Variants in OR4K1 observed in about 807,000 individuals in gnomAD.
OR4K1 encodes the protein olfactory receptor 4K1.
Under a neutral mutation model 14.4 loss-of-function variants are expected in OR4K1, and 16 were observed. The ratio of observed to expected loss-of-function variants is 1.11; its 90% CI spans 0.75 to 1.68. The LOEUF (loss-of-function observed/expected upper bound fraction) is 1.68. Among genes scored for constraint, OR4K1 ranks in the 40% most tolerant of loss-of-function variants. OR4K1 has a pLI of 0.00. For synonymous variants in OR4K1, 181 were observed against 133.1 expected (o/e 1.36, Z -2.48); for missense variants, 548 against 376.9 (o/e 1.45, Z -3.76).
In OR4K1 at chr14:19,936,300, C is replaced by A. The variant is rs376119424; in HGVS notation, c.634C>A (p.Leu212Met). The A allele has an allele frequency of 4.3e-6, 7 of 1,614,120 alleles. No homozygotes were observed. The East Asian group carries it at 6.7e-5, about 15-fold the overall frequency. The change falls in exon 2 of 2, where the codon CTG becomes ATG. Residue 212 changes from leucine to methionine, a missense_variant. Physicochemically the swap from Leu to Met is conservative, Grantham distance 15. Coordinates refer to ENST00000641172, the MANE Select transcript of OR4K1 (RefSeq NM_001004063.3). The part of the protein sequence containing the change: ...NSGLISLSCF[L>M]ALIISYTIIL... ...TGGCCTGATATCATTGAGCTGTTTC[C>A]TGGCTTTAATTATTTCCTACACCAT...
the OR4K1 span, chr14:19,920,690 T>C: frequency 1.2e-6 from 2 of 1,613,966 alleles, no homozygotes; most frequent in African/African-American, 1.3e-5. Flanking sequence ...TTTTCTATTT[T>C]TGTTTCTTCT....
upstream of OR4K1, among the ~76,000 whole-genome samples, chr14:19,930,410 G>T (rs1010051455): frequency 6.6e-6 from 1 of 152,210 alleles, no homozygotes; most frequent in Non-Finnish European, 1.5e-5. Context: ...TTTTGGGAAA[G>T]AAATTTATAT....
upstream of OR4K1, among the ~76,000 whole-genome samples, chr14:19,927,003 G>C (rs1294871947): frequency 2.6e-5 from 4 of 152,226 alleles, no homozygotes; most frequent in African/African-American, 9.6e-5. Context: ...TGCTCATCAT[G>C]AACTGTTATC....
At chr14:19,935,087 T>A (rs1882274763) in intron 1 of OR4K1, among the ~76,000 whole-genome samples, 2 of 152,246 alleles carry the variant, frequency 1.3e-5, no homozygotes, top group Admixed American at 1.3e-4. Context: ...ATTCGTTAAT[T>A]TAATTTTTAT....
the OR4K1 span, chr14:19,921,341 A>G: frequency 6.2e-7 from 1 of 1,614,176 alleles, no homozygotes; most frequent in South Asian, 1.1e-5. Context: ...CCCATATTGC[A>G]GTAGTAATAT....
At chr14:19,925,770 G>A in the OR4K1 span, among the ~76,000 whole-genome samples, 1 of 152,260 alleles carries the variant, frequency 6.6e-6, no homozygotes, top group Non-Finnish European at 1.5e-5. Flanking sequence ...CGTGGGGAGA[G>A]TACCCCAAAA....
upstream of OR4K1, among the ~76,000 whole-genome samples, chr14:19,930,328 G>A (rs1882158631): frequency 6.6e-6 from 1 of 152,198 alleles, no homozygotes; most frequent in South Asian, 2.1e-4. Flanking sequence ...ATGACCACTT[G>A]AAACTTACAT....
rs762489198 is a variant in OR4K1, at chr14:19,935,677, C to A, written c.11C>A (p.Thr4Lys). 6.3e-7 allele frequency: 1 copy of A among 1,597,076 alleles called. No homozygotes were observed. The highest frequency in any genetic ancestry group is 8.5e-7 in the Non-Finnish European group (1 of 1,174,012). Reference sequence around the variant, plus strand: ...CTGAATATTGGATACATGGCTCACACAAATGAATCGATGGTGTCTGAGTTT... The same window carrying A: ...CTGAATATTGGATACATGGCTCACAAAAATGAATCGATGGTGTCTGAGTTT... MAH[T>K]NESMVSEFVL... is the part of the protein sequence containing the mutation. The change falls in exon 2 of 2, where the codon ACA becomes AAA. Residue 4 changes from threonine (T) to lysine (K), a missense_variant. Coordinates refer to ENST00000641172, the MANE Select transcript of OR4K1 (RefSeq NM_001004063.3).
At chr14:19,935,544 TTGAC>T (rs1882285270) in intron 1 of OR4K1, 100 bp from the exon 2 acceptor site, 2 of 868,678 alleles carry the variant, frequency 2.3e-6, no homozygotes, top group African/African-American at 1.7e-5. Context: ...CCTAATTAAA[TTGAC>T]TATTTCTTTT....
rs1447971535 is a variant in OR4K1 at position 19,935,759 on chromosome 14, C to A, written c.93C>A (p.Phe31Leu). The stretch of plus-strand genomic sequence containing the variant: ...TTCAACTTTTCTTTTTTGCCATCTT[C>A]TCTATAGTCTATGTGACATCAGTGC... ...WGLQLFFFAI[F>L]SIVYVTSVLG... Residue 31 changes from phenylalanine to leucine, a missense_variant, in exon 2 of 2, where the codon TTC becomes TTA. Transcript: ENST00000641172. 1 of 1,614,058 alleles carries A rather than the reference C, an allele frequency of 6.2e-7. No homozygotes were observed. The highest frequency in any genetic ancestry group is 1.1e-5 in the South Asian group (1 of 91,078).
chr14:19,920,447 T>C, the OR4K1 span: 18 of 773,180 alleles, frequency 2.3e-5, no homozygotes, highest in African/African-American at 2.8e-4. Context: ...TATCCAGACA[T>C]ACTATTATGG....
upstream of OR4K1, among the ~76,000 whole-genome samples, chr14:19,926,868 GA>G (rs1390661454): frequency 2.0e-5 from 3 of 152,148 alleles, no homozygotes; most frequent in African/African-American, 7.2e-5. Flanking sequence ...TAGGATTCCA[GA>G]AAAAAAGCTC....
rs769954613 is a variant in OR4K1 at position 19,936,464 on chromosome 14, T to C, written c.798T>C (p.Pro266=). The change falls in exon 2 of 2, where the codon CCT becomes CCC. Residue 266 remains proline (P), a synonymous_variant. Transcript: ENST00000641172. ...ATATATGGCCTTTTAGCAGACTTCC[T>C]GTGGACAAATTTCTTTCTGTGTTCT... is the stretch of plus-strand genomic sequence containing the variant. ...YFYIWPFSRL[P]VDKFLSVFYT... The C allele has an allele frequency of 1.9e-5, 31 of 1,613,948 alleles. No individual in the cohort carries two copies. The South Asian group carries it at 2.2e-4, about 11-fold the overall frequency.
chr14:19,927,418 A>G (rs1177706618), upstream of OR4K1, among the ~76,000 whole-genome samples: 1 of 152,248 alleles, frequency 6.6e-6, no homozygotes, highest in East Asian at 1.9e-4. Flanking sequence ...GCTTTGAAAA[A>G]TGGCTTTGCT....
At chr14:19,935,597 A>C in intron 1 of OR4K1, 51 bp from the exon 2 acceptor site, 1 of 1,255,158 alleles carries the variant, frequency 8.0e-7, no homozygotes, top group South Asian at 1.4e-5. Flanking sequence ...TATAAACTAG[A>C]GGTATTGTAA....
chr14:19,920,780 T>C, the OR4K1 span: 1 of 1,614,206 alleles, frequency 6.2e-7, no homozygotes. Context: ...TGCACTCCCC[T>C]ATGTACTTTC....
At chr14:19,932,979 TA>T (rs1882219009) in intron 1 of OR4K1, among the ~76,000 whole-genome samples, 2 of 59,472 alleles carry the variant, frequency 3.4e-5, no homozygotes, top group Non-Finnish European at 9.6e-5. Flanking sequence ...CTTATAAATA[TA>T]TATTTATAGC....
Position 19,935,838 on chromosome 14 carries a change from C to T in OR4K1, c.172C>T (p.Pro58Ser), listed in dbSNP as rs781016190. 4.3e-6 allele frequency: 7 copies of T among 1,614,104 alleles called. No individual in the cohort carries two copies. In the East Asian group the frequency reaches 1.1e-4, roughly 26 times the overall value. ...IISFDSHLNS[P>S]MYFLLSNLSF... ...TTCTTTTGACTCCCATTTGAACTCT[C>T]CTATGTACTTCTTGCTCAGTAATCT... Residue 58 changes from proline (P) to serine (S), a missense_variant, in exon 2 of 2, where the codon CCT (proline) becomes TCT (serine). Physicochemically the swap from Pro to Ser is moderately conservative, Grantham distance 74. Transcript: ENST00000641172.
At chr14:19,922,779 C>G in the OR4K1 span, among the ~76,000 whole-genome samples, 2 of 152,170 alleles carry the variant, frequency 1.3e-5, no homozygotes, top group Admixed American at 6.5e-5. Flanking sequence ...CTTTCCTGTG[C>G]TGTCTCCCCT....
Sources: gnomAD v4.1 joint callset for allele counts (sites outside exome capture counted in the v4.1 genomes callset) on GRCh38, gnomAD v4.1.1 for gene constraint, MANE v1.5 for transcripts, NCBI Gene and HGNC (gene_info 2026-07-23, HGNC 2026-07-21) for gene names.